The following CYREN variants were observed in gnomAD, a reference collection of about 807,000 sequenced individuals.
CYREN encodes cell cycle regulator of NHEJ.
CYREN carries 7 observed loss-of-function variants against 9.7 expected under a neutral mutation model. That is an observed-to-expected ratio of 0.72 (90% confidence interval 0.41 to 1.36). The LOEUF (loss-of-function observed/expected upper bound fraction) is 1.36, where lower values mean the gene tolerates loss of function less well. Among genes scored for constraint, CYREN ranks in the 40% most tolerant of loss-of-function variants. The probability of loss-of-function intolerance (pLI) is 0.01; values close to 1 mark genes in which losing one functional copy is unlikely to be tolerated. For missense variants in CYREN, 215 were observed against 198.1 expected, an observed-to-expected ratio of 1.09 and a Z score of -0.51; for synonymous variants, 76 against 77.9, an observed-to-expected ratio of 0.98 and a Z score of 0.13.
At chr7:135,143,350 C>A (rs1439076063) in intron 2 of CYREN, among the ~76,000 whole-genome samples, 1 of 152,126 alleles carries the variant, frequency 6.6e-6, no homozygotes, top group East Asian at 1.9e-4. Flanking sequence ...GGAGCAAAGG[C>A]AATACAATGA....
At chr7:135,121,567 A>C (rs1359841387) in intron 2 of CYREN, among the ~76,000 whole-genome samples, 1 of 151,990 alleles carries the variant, frequency 6.6e-6, no homozygotes, top group Non-Finnish European at 1.5e-5. Context: ...AAAAAAAAAA[A>C]CCTAAACATT....
chr7:135,128,576 A>T lies in CYREN; in HGVS notation n.357-33994T>A, dbSNP rs578181940. Reference sequence around the variant, plus strand: ...CTATTTGGATTTGCCATAGAATTTCAAGATGTTTGTGAGCGCTATCTGCTC... The same window carrying T: ...CTATTTGGATTTGCCATAGAATTTCTAGATGTTTGTGAGCGCTATCTGCTC... On this transcript the variant is annotated intron_variant and non_coding_transcript_variant, in intron 2 of 2. Coordinates refer to the CYREN transcript ENST00000459937. 9.1e-6 allele frequency: 7 copies of T among 770,740 alleles called. No individual in the cohort carries two copies. In the South Asian group the frequency reaches 9.4e-5, roughly 10 times the overall value. The allele number at this position is 770,740 out of a possible 1,614,324, so 47.7% of individuals were successfully genotyped here.
intron 2 of CYREN, among the ~76,000 whole-genome samples, chr7:135,119,198 C>T (rs1826760475): frequency 6.6e-6 from 1 of 151,764 alleles, no homozygotes; most frequent in Admixed American, 6.6e-5. Context: ...TAGGATACAC[C>T]CAAAGAAATT....
downstream of CYREN, chr7:135,164,981 C>T (rs958047538): frequency 6.3e-7 from 1 of 1,599,098 alleles, no homozygotes; most frequent in African/African-American, 1.3e-5. Context: ...GGGCTGAGAG[C>T]AAGCTTGAGA....
At chr7:135,164,858 G>C, downstream of CYREN, 1 of 1,613,996 alleles carries the variant, frequency 6.2e-7, no homozygotes, top group Non-Finnish European at 8.5e-7. Context: ...CCTATGTGTG[G>C]AAGTGGGTCA....
intron 2 of CYREN, among the ~76,000 whole-genome samples, chr7:135,121,940 G>C (rs1827193458): frequency 6.6e-6 from 1 of 152,248 alleles, no homozygotes; most frequent in Admixed American, 6.5e-5. Flanking sequence ...CACGCCACCA[G>C]GGCCTAGCGT....
chr7:135,166,413 G>T lies in CYREN; in HGVS notation c.*198C>A. 1 of 712,336 alleles carries T rather than the reference G, an allele frequency of 1.4e-6. No homozygotes were observed. The highest frequency in any genetic ancestry group is 2.2e-6 in the Non-Finnish European group (1 of 458,364). The allele number at this position is 712,336 out of a possible 1,614,324, so 44.1% of individuals were successfully genotyped here. A position where few individuals can be genotyped will look rare whatever the true frequency, so the allele number is the denominator to read the frequency against. Reference sequence around the variant, plus strand: ...GATCTCATTTTGAGTCCTGCCTTCCGCACACTCAGAACGGCAGCCCCAAGG... The same window carrying T: ...GATCTCATTTTGAGTCCTGCCTTCCTCACACTCAGAACGGCAGCCCCAAGG... On this transcript the variant is annotated 3_prime_UTR_variant, in exon 4 of 4. Coordinates refer to ENST00000393114, the MANE Select transcript of CYREN (RefSeq NM_024033.4).
chr7:135,105,137 T>C (rs113915724), intron 2 of CYREN, among the ~76,000 whole-genome samples: 6 of 150,368 alleles, frequency 4.0e-5, no homozygotes, highest in African/African-American at 9.8e-5. Flanking sequence ...TGGTGTAATC[T>C]TGGCTCACTG....
intron 2 of CYREN, among the ~76,000 whole-genome samples, chr7:135,152,104 T>C (rs1281664593): frequency 6.6e-6 from 1 of 152,240 alleles, no homozygotes; most frequent in African/African-American, 2.4e-5. Flanking sequence ...AATTACTTCA[T>C]TTAATTTCCA....
chr7:135,093,026 C>A (rs1374192579), exon 3 of CYREN: 1 of 133,448 alleles, frequency 7.5e-6, no homozygotes, highest in Non-Finnish European at 1.6e-5. Flanking sequence ...AAGATAGAAT[C>A]TTCCTCTACT....
At chr7:135,156,822 C>T (rs1267061586) in intron 2 of CYREN, among the ~76,000 whole-genome samples, 1 of 152,118 alleles carries the variant, frequency 6.6e-6, no homozygotes, top group Non-Finnish European at 1.5e-5. Flanking sequence ...TTGTAGCTCC[C>T]ATAATTCCCA....
At chr7:135,116,954 T>C (rs1826406648) in intron 2 of CYREN, among the ~76,000 whole-genome samples, 1 of 152,218 alleles carries the variant, frequency 6.6e-6, no homozygotes, top group Non-Finnish European at 1.5e-5. Flanking sequence ...CTTGGATATA[T>C]GAGGCAAAAA....
chr7:135,168,744 C>A, intron 2 of CYREN, 42 bp downstream of exon 2: 1 of 1,602,776 alleles, frequency 6.2e-7, no homozygotes. Context: ...CCCTGCTCCA[C>A]TTGCCAGATT....
chr7:135,101,577 A>C (rs763328478), intron 2 of CYREN, among the ~76,000 whole-genome samples: 6 of 152,146 alleles, frequency 3.9e-5, no homozygotes, highest in Admixed American at 1.3e-4. Flanking sequence ...CCCGCCAAGA[A>C]AATAAAAAGA....
chr7:135,107,579 T>G (rs1012721167), intron 2 of CYREN, among the ~76,000 whole-genome samples: 2 of 151,984 alleles, frequency 1.3e-5, no homozygotes, highest in Non-Finnish European at 2.9e-5. Flanking sequence ...GATCTAGGAG[T>G]GTGTTGGTTA....
chr7:135,106,749 C>A (rs967511461), intron 2 of CYREN, among the ~76,000 whole-genome samples: 26 of 152,188 alleles, frequency 1.7e-4, no homozygotes, highest in Admixed American at 4.6e-4. Flanking sequence ...GGGAGGAGTC[C>A]CTCCTCCTCA....
intron 2 of CYREN, among the ~76,000 whole-genome samples, chr7:135,104,808 T>C (rs111739973): frequency 0.012 from 1,750 of 151,968 alleles, 30 homozygotes; most frequent in African/African-American, 0.04. Context: ...TTGTTTAAGT[T>C]CTTTATAGAT....
intron 2 of CYREN, chr7:135,099,813 C>T (rs1193834443): frequency 6.6e-6 from 1 of 151,348 alleles, no homozygotes; most frequent in Non-Finnish European, 1.5e-5. Flanking sequence ...CAGACTACCC[C>T]AATAGATGCT....
intron 2 of CYREN, among the ~76,000 whole-genome samples, chr7:135,126,624 T>A (rs1358891276): frequency 6.6e-6 from 1 of 152,192 alleles, no homozygotes; most frequent in East Asian, 1.9e-4. Flanking sequence ...GGTATCACAC[T>A]ACCTAACTTC....
Sources: allele counts gnomAD v4.1 joint callset (sites outside exome capture counted in the v4.1 genomes callset), GRCh38; gene constraint gnomAD v4.1.1; transcripts MANE v1.5; gene names NCBI Gene and HGNC (gene_info 2026-07-23, HGNC 2026-07-21).